The following MEF2C variants were observed in gnomAD, a reference collection of about 807,000 sequenced individuals.
MEF2C encodes myocyte-specific enhancer factor 2C.
MEF2C carries 6 observed loss-of-function variants against 50.5 expected under a neutral mutation model. That is an observed-to-expected ratio of 0.12 (90% CI 0.07 to 0.23). MEF2C has a LOEUF of 0.23. Ranked by LOEUF, MEF2C falls within the 10% of genes least tolerant of loss-of-function variation. The pLI is 1.00. For synonymous variants in MEF2C, 183 were observed against 228.0 expected, an observed-to-expected ratio of 0.80 and a Z score of 1.78; for missense variants, 276 against 605.0, an observed-to-expected ratio of 0.46 and a Z score of 5.70.
At chr5:88,857,656 G>A (rs900505149) in intron 1 of MEF2C, among the ~76,000 whole-genome samples, 1 of 152,148 alleles carries the variant, frequency 6.6e-6, no homozygotes, top group Non-Finnish European at 1.5e-5. Flanking sequence ...CTGATAGTGA[G>A]TTCTCATGAG....
At chr5:88,808,943 C>G (rs554509043) in intron 2 of MEF2C, among the ~76,000 whole-genome samples, 1 of 152,114 alleles carries the variant, frequency 6.6e-6, no homozygotes, top group Admixed American at 6.6e-5. Flanking sequence ...TTAGGTGAGG[C>G]AGAAAGAGGT....
intron 6 of MEF2C, chr5:88,740,604 A>T: frequency 2.0e-6 from 2 of 985,168 alleles, no homozygotes; most frequent in Non-Finnish European, 2.4e-6. Context: ...TACAAAAGCC[A>T]GATGTCTGAG....
chr5:88,756,484 C>T lies in MEF2C; in HGVS notation c.403-4441G>A, dbSNP rs564195517. On this transcript the variant is annotated intron_variant, in intron 4 of 10. Coordinates refer to ENST00000504921, the MANE Select transcript of MEF2C (RefSeq NM_002397.5). ...AGCAAATTATAAGCTTAAAAATGAG[C>T]ACACTGAGAAGATATTTTAGAGAAT... Among the ~76,000 whole-genome samples the T allele has an allele frequency of 3.3e-5, 5 of 152,250 alleles. No homozygotes were observed. In the South Asian group the frequency reaches 1.0e-3, roughly 32 times the overall value.
In MEF2C at chr5:88,873,266, T is replaced by C. The variant is rs149766524; in HGVS notation, c.-143+9689A>G. Reference sequence around the variant, plus strand: ...AGACATGATCCTATAGCCCTGGCTATTTCAAGATCAGTGTCCGCAGTTGTT... The same window carrying C: ...AGACATGATCCTATAGCCCTGGCTACTTCAAGATCAGTGTCCGCAGTTGTT... On this transcript the variant is annotated intron_variant, in intron 1 of 10. Coordinates refer to ENST00000504921, the MANE Select transcript of MEF2C (RefSeq NM_002397.5). Among the ~76,000 whole-genome samples, 41 of 152,208 alleles carry C rather than the reference T, an allele frequency of 2.7e-4. No homozygotes were observed. The East Asian group carries it at 5.6e-3, about 21-fold the overall frequency.
intron 6 of MEF2C, chr5:88,736,866 C>T (rs1764344199): frequency 2.0e-6 from 2 of 985,268 alleles, no homozygotes; most frequent in South Asian, 4.7e-5. Flanking sequence ...TTTGCTCTAG[C>T]AGTTCAATAA....
chr5:88,891,627 G>C (rs1834589019), intron 1 of MEF2C, among the ~76,000 whole-genome samples: 1 of 151,942 alleles, frequency 6.6e-6, no homozygotes, highest in Admixed American at 6.6e-5. Context: ...AGCCAGGATG[G>C]TCTCGATCTC....
chr5:88,795,774 G>T (rs1057510007), intron 3 of MEF2C, among the ~76,000 whole-genome samples: 1 of 152,184 alleles, frequency 6.6e-6, no homozygotes, highest in African/African-American at 2.4e-5. Context: ...TTGGCTGTGG[G>T]TTTGTCATAA....
chr5:88,782,583 A>C (rs1201259673), intron 3 of MEF2C, among the ~76,000 whole-genome samples: 1 of 152,256 alleles, frequency 6.6e-6, no homozygotes, highest in African/African-American at 2.4e-5. Context: ...CCTCAGTCAC[A>C]GAAATGCATG....
At chr5:88,824,145 T>A in intron 1 of MEF2C, 3 of 919,670 alleles carry the variant, frequency 3.3e-6, no homozygotes, top group Non-Finnish European at 3.9e-6. Context: ...CATAAGTAAT[T>A]TAACAAGTCA....
chr5:88,865,419 G>C (rs1312831228), intron 1 of MEF2C, among the ~76,000 whole-genome samples: 1 of 152,112 alleles, frequency 6.6e-6, no homozygotes, highest in Non-Finnish European at 1.5e-5. Flanking sequence ...GGCTTTTGAA[G>C]TGCAGTATTA....
At chr5:88,804,870 T>C in intron 2 of MEF2C, 69 bp from the exon 3 acceptor site, 2 of 1,324,032 alleles carry the variant, frequency 1.5e-6, no homozygotes, top group Non-Finnish European at 2.1e-6. Flanking sequence ...TTCTTTTCTT[T>C]TTTCTTTTCC....
At chr5:88,776,150 C>T (rs922072675) in intron 3 of MEF2C, among the ~76,000 whole-genome samples, 2 of 151,840 alleles carry the variant, frequency 1.3e-5, no homozygotes, top group Admixed American at 6.6e-5. Context: ...AGATAAATTT[C>T]ATTAATCAAT....
intron 2 of MEF2C, among the ~76,000 whole-genome samples, chr5:88,807,707 T>A (rs1372141562): frequency 6.6e-6 from 1 of 152,146 alleles, no homozygotes; most frequent in Non-Finnish European, 1.5e-5. Context: ...CTTAGTTGAC[T>A]TAACCAAAAA....
intron 2 of MEF2C, among the ~76,000 whole-genome samples, chr5:88,813,673 G>A (rs1178551189): frequency 1.3e-5 from 2 of 152,020 alleles, no homozygotes; most frequent in Non-Finnish European, 2.9e-5. Flanking sequence ...TGATCTATGG[G>A]TCCCAAATAC....
chr5:88,736,881 C>G (rs1305889389), intron 6 of MEF2C: 1 of 985,220 alleles, frequency 1.0e-6, no homozygotes, highest in African/African-American at 1.7e-5. Context: ...CAATAACTGG[C>G]AGTATTGGCT....
At chr5:88,782,171 T>A in intron 3 of MEF2C, 1 of 981,692 alleles carries the variant, frequency 1.0e-6, no homozygotes, top group South Asian at 4.7e-5. Flanking sequence ...TTATATAGTT[T>A]AAAATAAACC....
chr5:88,887,554 C>G (rs1174210242), upstream of MEF2C: 1 of 152,200 alleles, frequency 6.6e-6, no homozygotes, highest in Non-Finnish European at 1.5e-5. Context: ...TTTACTTCAT[C>G]TCTTCATAGA....
At chr5:88,743,808 G>A (rs1768014895) in intron 6 of MEF2C, 1 of 984,700 alleles carries the variant, frequency 1.0e-6, no homozygotes, top group African/African-American at 1.7e-5. Context: ...GACAATGCTT[G>A]ATAACCAAAT....
intron 1 of MEF2C, among the ~76,000 whole-genome samples, chr5:88,864,348 A>C (rs988810834): frequency 8.6e-5 from 13 of 151,486 alleles, no homozygotes; most frequent in Admixed American, 3.9e-4. Flanking sequence ...AAAAATTCAC[A>C]TTTATCTTCT....
Sources: allele counts gnomAD v4.1 joint callset (sites outside exome capture counted in the v4.1 genomes callset), GRCh38; gene constraint gnomAD v4.1.1; transcripts MANE v1.5; gene names NCBI Gene and HGNC (gene_info 2026-07-23, HGNC 2026-07-21).